Variants in PTPRT observed in about 807,000 individuals in gnomAD.
PTPRT encodes protein tyrosine phosphatase receptor type T, also known as receptor-type tyrosine-protein phosphatase T.
In PTPRT, 56 loss-of-function variants were observed where a neutral mutation model predicts 176.8. That is an observed-to-expected ratio of 0.32 (90% CI 0.26 to 0.40). The LOEUF is 0.40. Among genes scored for constraint, PTPRT ranks in the 10% least tolerant of loss-of-function variants. The pLI, the probability that PTPRT is intolerant of heterozygous loss-of-function variation, is 1.00. For synonymous variants in PTPRT, 783 were observed against 739.0 expected, an observed-to-expected ratio of 1.06 and a Z score of -0.96; for missense variants, 1,540 against 1,908.2, an observed-to-expected ratio of 0.81 and a Z score of 3.60.
At chr20:42,329,471 T>TGG (rs2057933421) in intron 11 of PTPRT, among the ~76,000 whole-genome samples, 1 of 135,674 alleles carries the variant, frequency 7.4e-6, no homozygotes, top group African/African-American at 2.8e-5. Context: ...AAGAATATAG[T>TGG]GGCACACACA....
chr20:42,605,163 T>A (rs572135404), intron 7 of PTPRT, among the ~76,000 whole-genome samples: 7 of 152,106 alleles, frequency 4.6e-5, no homozygotes, highest in Non-Finnish European at 1.0e-4. Flanking sequence ...CCATTCAGAA[T>A]CCAGTTAGAC....
chr20:42,632,941 G>A (rs1192044413), intron 7 of PTPRT, among the ~76,000 whole-genome samples: 1 of 152,094 alleles, frequency 6.6e-6, no homozygotes. Context: ...AGAAACAAGT[G>A]AAATATTCAT....
rs116229754 is a variant in PTPRT, at chr20:42,486,496, C to G, written c.1154-13934G>C. Among the ~76,000 whole-genome samples the G allele has an allele frequency of 4.7e-3, 713 of 152,108 alleles. 3 individuals are homozygous for G. Among genetic ancestry groups the G allele is most frequent in the African/African-American group, 0.017 (687 of 41,488 alleles). ...TGTGACATTGAAAAAATAATTTTACCCTTCCTGGCCCCAGATTTATATTTA... is the reference window on the plus strand; with the variant it reads ...TGTGACATTGAAAAAATAATTTTACGCTTCCTGGCCCCAGATTTATATTTA... On this transcript the variant is annotated intron_variant, in intron 7 of 30. Coordinates refer to ENST00000373187, the MANE Select transcript of PTPRT (RefSeq NM_007050.6).
intron 6 of PTPRT, among the ~76,000 whole-genome samples, chr20:42,717,275 GACA>G (rs34619418): frequency 0.17 from 25,634 of 151,166 alleles, 2,208 homozygotes; most frequent in East Asian, 0.22. Flanking sequence ...TAACAATTAA[GACA>G]ACAAGACATC....
At chr20:42,668,948 G>A (rs1303036196) in intron 7 of PTPRT, among the ~76,000 whole-genome samples, 2 of 137,590 alleles carry the variant, frequency 1.5e-5, no homozygotes, top group African/African-American at 2.7e-5. Flanking sequence ...CTGACCTCAT[G>A]ATCCGCCCGC....
At chr20:42,415,497 C>A (rs539290753) in intron 9 of PTPRT, among the ~76,000 whole-genome samples, 1 of 152,262 alleles carries the variant, frequency 6.6e-6, no homozygotes, top group African/African-American at 2.4e-5. Context: ...TAGGTGTGAG[C>A]CACCATGTCT....
chr20:42,808,334 A>C (rs1217423991), intron 2 of PTPRT, among the ~76,000 whole-genome samples: 1 of 152,154 alleles, frequency 6.6e-6, no homozygotes, highest in African/African-American at 2.4e-5. Context: ...TGGGGAAGCA[A>C]GTTGCTCTGT....
At chr20:42,909,409 G>A (rs898906969) in intron 1 of PTPRT, among the ~76,000 whole-genome samples, 8 of 152,092 alleles carry the variant, frequency 5.3e-5, no homozygotes, top group African/African-American at 9.7e-5. Flanking sequence ...AATAGTCTTC[G>A]CCAATTGTGG....
intron 5 of PTPRT, among the ~76,000 whole-genome samples, chr20:42,758,064 G>A (rs2076861177): frequency 6.6e-6 from 1 of 152,016 alleles, no homozygotes; most frequent in African/African-American, 2.4e-5. Flanking sequence ...CCCTTATCCA[G>A]GTTTTCCAAC....
intron 7 of PTPRT, among the ~76,000 whole-genome samples, chr20:42,632,654 A>C (rs1054928233): frequency 3.3e-5 from 5 of 149,668 alleles, no homozygotes; most frequent in African/African-American, 1.2e-4. Flanking sequence ...AATTTATGTA[A>C]TATTACTAAT....
At chr20:42,193,636 C>T (rs539835495) in intron 16 of PTPRT, among the ~76,000 whole-genome samples, 4 of 152,272 alleles carry the variant, frequency 2.6e-5, no homozygotes, top group Non-Finnish European at 5.9e-5. Context: ...TGATAGGGTT[C>T]CTTGGGAGCT....
intron 6 of PTPRT, among the ~76,000 whole-genome samples, chr20:42,746,733 CAGA>C (rs2076696117): frequency 1.3e-5 from 2 of 152,120 alleles, no homozygotes; most frequent in Non-Finnish European, 1.5e-5. Context: ...GAAACTCACG[CAGA>C]AGATGAGCAT....
intron 9 of PTPRT, among the ~76,000 whole-genome samples, chr20:42,420,838 G>C (rs909176972): frequency 2.0e-5 from 3 of 152,216 alleles, no homozygotes; most frequent in Non-Finnish European, 4.4e-5. Context: ...GAACACTGTA[G>C]TGGGGTTTGG....
chr20:42,061,619 C>T, the PTPRT span, among the ~76,000 whole-genome samples: 2 of 152,140 alleles, frequency 1.3e-5, no homozygotes, highest in African/African-American at 4.8e-5. Flanking sequence ...GTAACAACCT[C>T]ATAAAAAGTC....
intron 1 of PTPRT, among the ~76,000 whole-genome samples, chr20:43,090,404 AC>A (rs1374045750): frequency 1.3e-5 from 2 of 151,766 alleles, no homozygotes; most frequent in African/African-American, 2.4e-5. Flanking sequence ...AGTAGTTGGG[AC>A]TACAGGCGCC....
At chr20:43,125,710 C>T (rs1600729734) in intron 1 of PTPRT, among the ~76,000 whole-genome samples, 1 of 152,184 alleles carries the variant, frequency 6.6e-6, no homozygotes, top group South Asian at 2.1e-4. Context: ...TAAGAGAATG[C>T]ATTCTAAATT....
chr20:42,351,855 A>C (rs3746536), intron 10 of PTPRT, among the ~76,000 whole-genome samples: 108,016 of 151,572 alleles, frequency 0.71, 38,617 homozygotes, highest in East Asian at 0.9. Flanking sequence ...AGCCTGTGGG[A>C]AAATTATTTA....
chr20:42,895,562 GCTGT>G (rs1371723792), intron 1 of PTPRT, among the ~76,000 whole-genome samples: 2 of 152,168 alleles, frequency 1.3e-5, no homozygotes, highest in African/African-American at 4.8e-5. Context: ...AATCTTGGGG[GCTGT>G]CTTAGAATCC....
At chr20:42,909,847 A>G (rs1207201695) in intron 1 of PTPRT, among the ~76,000 whole-genome samples, 2 of 152,204 alleles carry the variant, frequency 1.3e-5, no homozygotes, top group East Asian at 3.8e-4. Context: ...ACATTCAACA[A>G]CCGGGCCAGA....
Sources: allele counts gnomAD v4.1 joint callset (sites outside exome capture counted in the v4.1 genomes callset), GRCh38; gene constraint gnomAD v4.1.1; transcripts MANE v1.5; gene names NCBI Gene and HGNC (gene_info 2026-07-23, HGNC 2026-07-21).